Variants in NCOR2 observed in about 807,000 individuals in gnomAD.
The protein encoded by NCOR2 is CTG repeat protein 26.
In NCOR2, 81 loss-of-function variants were observed where a neutral mutation model predicts 262.9. That is an observed-to-expected ratio of 0.31 (90% CI 0.26 to 0.37). NCOR2 has a LOEUF of 0.37. Among genes scored for constraint, NCOR2 ranks in the 10% least tolerant of loss-of-function variants. NCOR2 has a pLI of 1.00. For missense variants in NCOR2, 3,385 were observed against 3,621.4 expected (o/e 0.93, Z 1.68); for synonymous variants, 1,659 against 1,559.3 (o/e 1.06, Z -1.51).
In NCOR2 at chr12:124,332,311, C is replaced by A; in HGVS notation, c.6904+8G>T. The A allele has an allele frequency of 6.2e-7, 1 of 1,613,990 alleles. No homozygotes were observed. The highest frequency in any genetic ancestry group is 8.5e-7 in the Non-Finnish European group (1 of 1,179,976). On this transcript the variant is annotated splice_region_variant and intron_variant, in intron 43 of 46. Coordinates refer to ENST00000405201, the Ensembl canonical transcript of NCOR2. ...CCATGCTTCCCCGGGAGCCTGCAGG[C>A]CCCTTACTGTATTCAGGCTCATTCC...
intron 4 of NCOR2, among the ~76,000 whole-genome samples, chr12:124,469,898 G>T (rs1343123608): frequency 1.3e-5 from 2 of 152,190 alleles, no homozygotes; most frequent in Non-Finnish European, 2.9e-5. Flanking sequence ...AGGGACAGTG[G>T]CTCACACCTG....
At position 124,566,472 on chromosome 12, in the gene NCOR2, G is replaced by A. The variant is rs1486477604; in HGVS notation, c.-165+836C>T. Reference sequence around the variant, plus strand: ...CTCCCGCCCTCGGCTTGCTCCTCCTGCAAGTGTCTGGGGCGGGGAGGGCGT... The same window carrying A: ...CTCCCGCCCTCGGCTTGCTCCTCCTACAAGTGTCTGGGGCGGGGAGGGCGT... On this transcript the variant is annotated intron_variant, in intron 1 of 32. Coordinates refer to the NCOR2 transcript ENST00000458234. This position sits in a 1 kb window ranked among gnomAD's most constrained non-coding sequence, Gnocchi z 4.3. Among the ~76,000 whole-genome samples, 3 of 152,170 alleles carry A rather than the reference G, an allele frequency of 2.0e-5. No homozygotes were observed. The highest frequency in any genetic ancestry group is 2.9e-5 in the Non-Finnish European group (2 of 68,010).
rs1193425580 is a variant in NCOR2 at position 124,481,378 on chromosome 12, C to T, written c.411+2218G>A. ...GACCCCCTTCAAGGCCGGCAGGGCCCCTGTGGCTGAATCTCACACCCCAGG... is the reference window on the plus strand; with the variant it reads ...GACCCCCTTCAAGGCCGGCAGGGCCTCTGTGGCTGAATCTCACACCCCAGG... On this transcript the variant is annotated intron_variant, in intron 3 of 46. Coordinates refer to ENST00000405201, the Ensembl canonical transcript of NCOR2. This position sits in a 1 kb window ranked among gnomAD's most constrained non-coding sequence, Gnocchi z 4.6. 6.6e-6 allele frequency among the ~76,000 whole-genome samples: 1 copy of T among 152,126 alleles called. No individual in the cohort carries two copies. The highest frequency in any genetic ancestry group is 1.9e-4 in the East Asian group (1 of 5,184).
chr12:124,442,960 C>T (rs1322295804), intron 7 of NCOR2, among the ~76,000 whole-genome samples: 2 of 152,188 alleles, frequency 1.3e-5, no homozygotes, highest in East Asian at 1.9e-4. Flanking sequence ...ACGCATCTCC[C>T]AGCCAAGGAA....
intron 44 of NCOR2, 81 bp from the exon 47 acceptor site, chr12:124,327,714 GGAGA>G (rs981175879): frequency 3.0e-6 from 3 of 996,564 alleles, no homozygotes; most frequent in East Asian, 5.0e-5. Context: ...GAGAGAGAAG[GGAGA>G]GAGAGAGGGA....
At chr12:124,352,734 C>T (rs938376992) in intron 27 of NCOR2, among the ~76,000 whole-genome samples, 1 of 152,210 alleles carries the variant, frequency 6.6e-6, no homozygotes, top group South Asian at 2.1e-4. Context: ...GAACAGAAAT[C>T]CAGCCGGTGG....
At chr12:124,354,656 G>T in intron 25 of NCOR2, 74 bp from the exon 28 acceptor site, 1 of 1,401,900 alleles carries the variant, frequency 7.1e-7, no homozygotes, top group South Asian at 1.5e-5. Flanking sequence ...CACCCAACCT[G>T]AGCCAGGGGC....
intron 6 of NCOR2, among the ~76,000 whole-genome samples, chr12:124,452,604 G>T (rs2045614907): frequency 6.6e-6 from 1 of 152,262 alleles, no homozygotes; most frequent in South Asian, 2.1e-4. Context: ...ACAGCCGAAG[G>T]GGGCCAGAAA....
At chr12:124,376,716 A>G (rs1439683572) in intron 18 of NCOR2, among the ~76,000 whole-genome samples, 1 of 152,160 alleles carries the variant, frequency 6.6e-6, no homozygotes, top group Non-Finnish European at 1.5e-5. Context: ...AGGAGCCTGG[A>G]TTTATCTGCA....
At chr12:124,376,260 C>T (rs1293163718) in intron 18 of NCOR2, among the ~76,000 whole-genome samples, 1 of 152,216 alleles carries the variant, frequency 6.6e-6, no homozygotes, top group African/African-American at 2.4e-5. Flanking sequence ...GCAGAGCATG[C>T]CCCTCCCCGT....
At chr12:124,439,270 CTG>C (rs1159201045) in intron 7 of NCOR2, among the ~76,000 whole-genome samples, 2,190 of 24,612 alleles carry the variant, frequency 0.089, 2 homozygotes, top group African/African-American at 0.16. Context: ...GATGGAGACC[CTG>C]AGACAGAGGG....
At chr12:124,520,543 G>T (rs2050125914) in intron 1 of NCOR2, among the ~76,000 whole-genome samples, 1 of 152,150 alleles carries the variant, frequency 6.6e-6, no homozygotes, top group Admixed American at 6.6e-5. Flanking sequence ...GTTTGACACT[G>T]GGCATGTCTC....
chr12:124,451,377 T>C (rs1323023157), intron 6 of NCOR2, among the ~76,000 whole-genome samples: 1 of 152,212 alleles, frequency 6.6e-6, no homozygotes, highest in African/African-American at 2.4e-5. Context: ...AGTAGCCATG[T>C]AACCATACCG....
At chr12:124,494,449 T>C (rs879292431) in intron 1 of NCOR2, among the ~76,000 whole-genome samples, 10 of 152,072 alleles carry the variant, frequency 6.6e-5, no homozygotes, top group Non-Finnish European at 1.3e-4. Flanking sequence ...GGCCACACCA[T>C]GCAGTGAGAG....
At chr12:124,552,427 G>A (rs868474354) in intron 1 of NCOR2, among the ~76,000 whole-genome samples, 1 of 152,082 alleles carries the variant, frequency 6.6e-6, no homozygotes, top group Admixed American at 6.5e-5. Context: ...GCCCTTTACC[G>A]TTTGCAGGTT....
chr12:124,327,725 G>A (rs560475726), intron 44 of NCOR2, 92 bp from the exon 47 acceptor site: 10 of 888,278 alleles, frequency 1.1e-5, no homozygotes, highest in South Asian at 4.8e-5. Context: ...GAGAGAGAGA[G>A]GGAAGGAGGA....
At position 124,504,298 on chromosome 12, in the gene NCOR2, C is replaced by G. The variant is rs1190793076; in HGVS notation, c.-117-8930G>C. ...TCGTCAGGTCCCAGACTTGCTCCCTCTGGGCAGTTTCCTGGGACTTGCTTC... is the reference window on the plus strand; with the variant it reads ...TCGTCAGGTCCCAGACTTGCTCCCTGTGGGCAGTTTCCTGGGACTTGCTTC... On this transcript the variant is annotated intron_variant, in intron 1 of 46. Coordinates refer to the NCOR2 transcript ENST00000404621. This position sits in a 1 kb window ranked among gnomAD's most constrained non-coding sequence, Gnocchi z 4.5. 2.6e-5 allele frequency among the ~76,000 whole-genome samples: 4 copies of G among 152,230 alleles called. No individual in the cohort carries two copies. Among genetic ancestry groups the G allele is most frequent in the African/African-American group, 9.6e-5 (4 of 41,456 alleles).
At chr12:124,487,218 C>T (rs892907048) in intron 1 of NCOR2, among the ~76,000 whole-genome samples, 2 of 152,206 alleles carry the variant, frequency 1.3e-5, no homozygotes, top group African/African-American at 2.4e-5. Flanking sequence ...GAACGAGGCT[C>T]GGGCCTCACT....
chr12:124,427,290 C>T (rs2043607161), intron 10 of NCOR2, among the ~76,000 whole-genome samples: 1 of 152,158 alleles, frequency 6.6e-6, no homozygotes, highest in South Asian at 2.1e-4. Flanking sequence ...CCTGCCCCCA[C>T]ACTACACGCC....
Sources: allele counts gnomAD v4.1 joint callset (sites outside exome capture counted in the v4.1 genomes callset), GRCh38; gene constraint gnomAD v4.1.1; non-coding constraint Gnocchi (gnomAD v3.1); transcripts MANE v1.5; gene names NCBI Gene and HGNC (gene_info 2026-07-23, HGNC 2026-07-21).